The following KAZN variants were observed in gnomAD, a reference collection of about 807,000 sequenced individuals.
KAZN encodes the protein kazrin.
KAZN carries 40 observed loss-of-function variants against 87.4 expected under a neutral mutation model. The ratio of observed to expected loss-of-function variants is 0.46; its 90% CI spans 0.36 to 0.60. The LOEUF is 0.60. Ranked by LOEUF, KAZN falls within the 20% of genes least tolerant of loss-of-function variation. The pLI is 0.00. For synonymous variants in KAZN, 466 were observed against 458.3 expected, an observed-to-expected ratio of 1.02 and a Z score of -0.22; for missense variants, 898 against 1,073.9, an observed-to-expected ratio of 0.84 and a Z score of 2.29.
intron 1 of KAZN, among the ~76,000 whole-genome samples, chr1:14,952,862 T>C (rs1376321419): frequency 6.6e-6 from 1 of 152,200 alleles, no homozygotes; most frequent in Non-Finnish European, 1.5e-5. Flanking sequence ...CATTTGACCC[T>C]CATGTAGAAC....
chr1:14,513,006 A>C (rs1670999134), intron 2 of KAZN, among the ~76,000 whole-genome samples: 1 of 152,176 alleles, frequency 6.6e-6, no homozygotes, highest in South Asian at 2.1e-4. Flanking sequence ...CCAAGTAACA[A>C]AAAGGGTTCC....
chr1:14,353,095 GGAGAC>G (rs1343031779), intron 2 of KAZN, among the ~76,000 whole-genome samples: 1 of 152,158 alleles, frequency 6.6e-6, no homozygotes, highest in East Asian at 1.9e-4. Flanking sequence ...TTCTTAAGTT[GGAGAC>G]GAGTCAAGGG....
intron 2 of KAZN, among the ~76,000 whole-genome samples, chr1:15,003,888 C>T (rs1668750109): frequency 6.6e-6 from 1 of 152,116 alleles, no homozygotes; most frequent in Non-Finnish European, 1.5e-5. Context: ...TCACAGTGTC[C>T]CCTGCCCACA....
At chr1:15,035,427 A>G (rs1672162007) in intron 3 of KAZN, among the ~76,000 whole-genome samples, 2 of 152,236 alleles carry the variant, frequency 1.3e-5, no homozygotes, top group Non-Finnish European at 2.9e-5. Context: ...AGGAAGTGAC[A>G]TATGCATTGG....
intron 1 of KAZN, among the ~76,000 whole-genome samples, chr1:14,096,402 A>G (rs1644129237): frequency 6.6e-6 from 1 of 152,228 alleles, no homozygotes; most frequent in Admixed American, 6.5e-5. Flanking sequence ...AGAGTGAGCC[A>G]GATGCCCTGG....
chr1:14,080,150 A>G (rs1643615845), intron 1 of KAZN, among the ~76,000 whole-genome samples: 1 of 152,262 alleles, frequency 6.6e-6, no homozygotes, highest in Non-Finnish European at 1.5e-5. Flanking sequence ...CCTATAATGA[A>G]AGACAGATTG....
intron 2 of KAZN, among the ~76,000 whole-genome samples, chr1:14,209,447 T>C (rs957856369): frequency 3.3e-5 from 5 of 152,242 alleles, no homozygotes; most frequent in African/African-American, 1.2e-4. Flanking sequence ...CCCTATGCCT[T>C]CTGGGCAGCT....
At chr1:15,074,273 C>T (rs1440440149) in intron 8 of KAZN, among the ~76,000 whole-genome samples, 1 of 152,254 alleles carries the variant, frequency 6.6e-6, no homozygotes, top group African/African-American at 2.4e-5. Flanking sequence ...GCCCTTTAGC[C>T]CTAAACTCCA....
At chr1:14,494,357 G>T (rs1372977765) in intron 2 of KAZN, among the ~76,000 whole-genome samples, 1 of 152,182 alleles carries the variant, frequency 6.6e-6, no homozygotes, top group Non-Finnish European at 1.5e-5. Context: ...GGTAGGTAGA[G>T]GTTGCTACCT....
chr1:14,366,773 G>A (rs1018609034), intron 2 of KAZN, among the ~76,000 whole-genome samples: 1 of 152,240 alleles, frequency 6.6e-6, no homozygotes, highest in African/African-American at 2.4e-5. Context: ...TAGACTCTCT[G>A]CCTTTTCACA....
intron 1 of KAZN, among the ~76,000 whole-genome samples, chr1:13,972,355 G>T (rs1051039364): frequency 4.7e-5 from 7 of 149,212 alleles, no homozygotes; most frequent in African/African-American, 1.7e-4. Context: ...CTCATTGCAA[G>T]CTCTGCCTCC....
At position 14,847,899 on chromosome 1, in the gene KAZN, G is replaced by A. The variant is rs145119524; in HGVS notation, c.227-112785G>A. On this transcript the variant is annotated intron_variant, in intron 1 of 14. Coordinates refer to ENST00000376030, the MANE Select transcript of KAZN (RefSeq NM_201628.3). ...GGAGGCTGAGGTGAGAGGATCACTC[G>A]AGCCCAGGAGTTCGAGGCTGCAGTG... Among the ~76,000 whole-genome samples, 502 of 152,176 alleles carry A rather than the reference G, an allele frequency of 3.3e-3. 8 individuals are homozygous for A. Among genetic ancestry groups the A allele is most frequent in the African/African-American group, 0.011 (476 of 41,524 alleles).
chr1:14,760,030 C>G (rs1218283203), intron 1 of KAZN, among the ~76,000 whole-genome samples: 2 of 152,064 alleles, frequency 1.3e-5, no homozygotes, highest in Admixed American at 6.5e-5. Flanking sequence ...TTGAAAGCAG[C>G]GCTCCCTTGC....
intron 2 of KAZN, among the ~76,000 whole-genome samples, chr1:14,266,746 C>A (rs1213229229): frequency 6.6e-6 from 1 of 152,186 alleles, no homozygotes; most frequent in African/African-American, 2.4e-5. Flanking sequence ...GTAGACATGC[C>A]AATTCACCTA....
At chr1:14,271,735 T>C (rs1651951660) in intron 2 of KAZN, among the ~76,000 whole-genome samples, 1 of 152,236 alleles carries the variant, frequency 6.6e-6, no homozygotes, top group African/African-American at 2.4e-5. Context: ...ATAGAGAATC[T>C]GATTGGTCAT....
At chr1:15,051,584 CTT>C (rs966058287) in intron 4 of KAZN, among the ~76,000 whole-genome samples, 5 of 152,202 alleles carry the variant, frequency 3.3e-5, no homozygotes, top group African/African-American at 1.2e-4. Flanking sequence ...GGACCAAGCA[CTT>C]TCCCAGCAAC....
At chr1:14,983,523 G>GGAAAGTCTAGTTCCAT (rs1553167047) in intron 2 of KAZN, among the ~76,000 whole-genome samples, 188 of 152,058 alleles carry the variant, frequency 1.2e-3, no homozygotes, top group African/African-American at 4.1e-3. Context: ...CCCCTGTGGG[G>GGAAAGTCTAGTTCCAT]GGAGCAAAAT....
rs564894103 is a variant in KAZN at position 14,930,883 on chromosome 1, G to A, written c.227-29801G>A. Among the ~76,000 whole-genome samples, 650 of 152,280 alleles carry A rather than the reference G, an allele frequency of 4.3e-3. 6 individuals are homozygous for A. The highest frequency in any genetic ancestry group is 6.8e-3 in the Non-Finnish European group (463 of 68,004). On this transcript the variant is annotated intron_variant, in intron 1 of 14. Transcript: ENST00000376030. The stretch of plus-strand genomic sequence containing the variant: ...ACCCTGGGGGCCCAGAGTGGCCCCC[G>A]ATCTCTGTCAACAGGAGACTCTGCC...
intron 2 of KAZN, among the ~76,000 whole-genome samples, chr1:14,330,285 A>T (rs367666693): frequency 3.0e-4 from 46 of 152,264 alleles, no homozygotes; most frequent in Middle Eastern, 3.4e-3. Flanking sequence ...ACCACCAAAT[A>T]AGCTACTGCC....
Sources: gnomAD v4.1 joint callset for allele counts (sites outside exome capture counted in the v4.1 genomes callset) on GRCh38, gnomAD v4.1.1 for gene constraint, MANE v1.5 for transcripts, NCBI Gene and HGNC (gene_info 2026-07-23, HGNC 2026-07-21) for gene names.